Variants in SBNO2 observed in about 807,000 individuals in gnomAD.
The protein encoded by SBNO2 is protein strawberry notch homolog 2.
In SBNO2, 89 loss-of-function variants were observed where a neutral mutation model predicts 146.3. The observed-to-expected ratio is 0.61, with a 90% CI of 0.51 to 0.73. SBNO2 has a LOEUF of 0.73. Ranked by LOEUF, SBNO2 falls within the 30% of genes least tolerant of loss-of-function variation. The pLI is 0.00. For missense variants in SBNO2, 2,092 were observed against 2,003.7 expected (o/e 1.04, Z -0.84); for synonymous variants, 1,147 against 892.6 (o/e 1.29, Z -5.08).
At position 1,112,374 on chromosome 19, in the gene SBNO2, G is replaced by T; in HGVS notation, c.2515+28C>A. ...GAGACCATGTTGGGGGCGGGGCCAG[G>T]CAGCGCTGGGGGCGGGGCCGGACTC... On this transcript the variant is annotated intron_variant, in intron 21 of 31. Transcript: ENST00000361757. This position sits in a 1 kb window ranked among gnomAD's most constrained non-coding sequence, Gnocchi z 5.9. 1 of 1,582,108 alleles carries T rather than the reference G, an allele frequency of 6.3e-7. No homozygotes were observed.
At chr19:1,128,307 G>A (rs761266430) in intron 4 of SBNO2, 13 of 393,738 alleles carry the variant, frequency 3.3e-5, no homozygotes, top group African/African-American at 6.3e-5. Flanking sequence ...AGGCAGGGGC[G>A]GGGGCAGCCA....
At chr19:1,166,216 G>T (rs2080422889) in intron 1 of SBNO2, among the ~76,000 whole-genome samples, 1 of 3,122 alleles carries the variant, frequency 3.2e-4, no homozygotes. Flanking sequence ...CCAGATCCCA[G>T]ACCCGAGATT....
intron 4 of SBNO2, among the ~76,000 whole-genome samples, chr19:1,139,738 T>C (rs933225056): frequency 2.6e-5 from 4 of 151,408 alleles, no homozygotes; most frequent in African/African-American, 9.7e-5. Flanking sequence ...GAGGCTGCAG[T>C]GAGCTGAGAT....
intron 4 of SBNO2, among the ~76,000 whole-genome samples, chr19:1,143,064 C>T (rs1166617237): frequency 6.6e-6 from 1 of 152,214 alleles, no homozygotes; most frequent in Admixed American, 6.5e-5. Context: ...ACCAATCCCT[C>T]CAGGTTTATA....
intron 4 of SBNO2, chr19:1,132,220 T>C (rs1471044276): frequency 7.5e-6 from 10 of 1,336,764 alleles, no homozygotes; most frequent in South Asian, 7.3e-5. Context: ...AGCCCCAGCA[T>C]TGGGTCGGCC....
intron 1 of SBNO2, among the ~76,000 whole-genome samples, chr19:1,171,606 CTT>C (rs2080478441): frequency 6.6e-6 from 1 of 152,198 alleles, no homozygotes; most frequent in Non-Finnish European, 1.5e-5. Context: ...ACAGTCGCCT[CTT>C]TGTTCGGGGC....
chr19:1,110,629 C>A lies in SBNO2; in HGVS notation c.3028+116G>T, dbSNP rs534950552. On this transcript the variant is annotated intron_variant, in intron 26 of 31. Coordinates refer to ENST00000361757, the MANE Select transcript of SBNO2 (RefSeq NM_014963.3). The surrounding 1 kb of genome is among the most constrained non-coding windows in gnomAD (Gnocchi z 4.9). ...ATGCACGGTGTTCCCACGAGCCCCT[C>A]GCCCACCCGGGATGCCCGGTGTTCC... 356 of 1,301,562 alleles carry A rather than the reference C, an allele frequency of 2.7e-4. 2 individuals carry two copies. The African/African-American group carries it at 3.8e-3, about 14-fold the overall frequency. The allele number at this position is 1,301,562 out of a possible 1,614,324, so 80.6% of individuals were successfully genotyped here. A position where few individuals can be genotyped will look rare whatever the true frequency, so the allele number is the denominator to read the frequency against.
At chr19:1,131,678 C>T (rs973984349) in intron 4 of SBNO2, among the ~76,000 whole-genome samples, 5 of 152,218 alleles carry the variant, frequency 3.3e-5, no homozygotes, top group African/African-American at 1.2e-4. Context: ...CACCCAGAGC[C>T]CCTCCACCTG....
rs1473834052 is a variant in SBNO2, at chr19:1,140,691, C to A, written c.279+6618G>T. Among the ~76,000 whole-genome samples the A allele has an allele frequency of 6.6e-6, 1 of 152,202 alleles. No individual in the cohort carries two copies. The highest frequency in any genetic ancestry group is 1.5e-5 in the Non-Finnish European group (1 of 68,030). ...CCAGCCGTCAGCAGGAGAAGGCACA[C>A]GGAAAACAGACGGACGCAGCAGGGA... On this transcript the variant is annotated intron_variant, in intron 4 of 31. Coordinates refer to ENST00000361757, the MANE Select transcript of SBNO2 (RefSeq NM_014963.3). This position sits in a 1 kb window ranked among gnomAD's most constrained non-coding sequence, Gnocchi z 4.4.
At chr19:1,170,450 CGGACA>C (rs1232850650) in intron 1 of SBNO2, among the ~76,000 whole-genome samples, 3 of 152,140 alleles carry the variant, frequency 2.0e-5, no homozygotes, top group Non-Finnish European at 4.4e-5. Context: ...CACTGCCGGG[CGGACA>C]GCGGGCAGGC....
In SBNO2 at chr19:1,109,962, C is replaced by T. The variant is rs966995095; in HGVS notation, c.3029-185G>A. Among the ~76,000 whole-genome samples, 3 of 151,942 alleles carry T rather than the reference C, an allele frequency of 2.0e-5. No individual in the cohort carries two copies. The highest frequency in any genetic ancestry group is 7.3e-5 in the African/African-American group (3 of 41,348). ...TGCACGTGGGCCCCAACCTGGCAACCGCTCAGGTCCTAGGTAACCCCGAGC... is the reference window on the plus strand; with the variant it reads ...TGCACGTGGGCCCCAACCTGGCAACTGCTCAGGTCCTAGGTAACCCCGAGC... On this transcript the variant is annotated intron_variant, in intron 26 of 31. Coordinates refer to ENST00000361757, the MANE Select transcript of SBNO2 (RefSeq NM_014963.3). The surrounding 1 kb of genome is among the most constrained non-coding windows in gnomAD (Gnocchi z 4.2).
intron 4 of SBNO2, among the ~76,000 whole-genome samples, chr19:1,138,617 G>A (rs146644612): frequency 2.4e-4 from 36 of 152,170 alleles, no homozygotes; most frequent in African/African-American, 8.0e-4. Context: ...CAGCACAAGC[G>A]TCCATCACGG....
At chr19:1,164,912 C>G (rs1437967134) in intron 1 of SBNO2, among the ~76,000 whole-genome samples, 68 of 4,116 alleles carry the variant, frequency 0.017, no homozygotes, top group Non-Finnish European at 0.019. Context: ...GGAGGAGGCA[C>G]AGGAGGAGGA....
In SBNO2 at chr19:1,109,007, C is replaced by T; in HGVS notation, c.3426-38G>A. 1 of 1,490,786 alleles carries T rather than the reference C, an allele frequency of 6.7e-7. No homozygotes were observed. The highest frequency in any genetic ancestry group is 1.3e-5 in the South Asian group (1 of 76,920). 92.3% of individuals were successfully genotyped at this position (1,490,786 alleles called of 1,614,324 possible). The stretch of plus-strand genomic sequence containing the variant: ...CGGGTCGTCTCGGCTCAGGCGGGTC[C>T]CAGGGGCCCGCAGGCTCCCCAGGTG... On this transcript the variant is annotated intron_variant, in intron 30 of 31. Coordinates refer to ENST00000361757, the MANE Select transcript of SBNO2 (RefSeq NM_014963.3). This position sits in a 1 kb window ranked among gnomAD's most constrained non-coding sequence, Gnocchi z 4.2.
rs926462709 is a variant in SBNO2, at chr19:1,150,189, T to C, written c.94-747A>G. 6.6e-6 allele frequency among the ~76,000 whole-genome samples: 1 copy of C among 152,054 alleles called. No homozygotes were observed. Among genetic ancestry groups the C allele is most frequent in the African/African-American group, 2.4e-5 (1 of 41,378 alleles). On this transcript the variant is annotated intron_variant, in intron 2 of 31. Transcript: ENST00000361757. This position sits in a 1 kb window ranked among gnomAD's most constrained non-coding sequence, Gnocchi z 6.2. Reference sequence around the variant, plus strand: ...CCGATGTCCCCACCCCATGGTTCTCTGGGAAAACCTCACTATGCCTGCCCT... The same window carrying C: ...CCGATGTCCCCACCCCATGGTTCTCCGGGAAAACCTCACTATGCCTGCCCT...
chr19:1,170,633 G>C (rs1434172612), intron 1 of SBNO2, among the ~76,000 whole-genome samples: 1 of 151,964 alleles, frequency 6.6e-6, no homozygotes, highest in Non-Finnish European at 1.5e-5. Context: ...CATGCACACA[G>C]GGACAGGCCA....
In SBNO2 at chr19:1,109,010, G is replaced by C. The variant is rs1461723573; in HGVS notation, c.3426-41C>G. 6.7e-7 allele frequency: 1 copy of C among 1,487,286 alleles called. No homozygotes were observed. The highest frequency in any genetic ancestry group is 2.5e-5 in the East Asian group (1 of 40,396). 92.1% of individuals were successfully genotyped at this position (1,487,286 alleles called of 1,614,324 possible). On this transcript the variant is annotated intron_variant, in intron 30 of 31. Coordinates refer to ENST00000361757, the MANE Select transcript of SBNO2 (RefSeq NM_014963.3). This position sits in a 1 kb window ranked among gnomAD's most constrained non-coding sequence, Gnocchi z 4.2. ...GTCGTCTCGGCTCAGGCGGGTCCCA[G>C]GGGCCCGCAGGCTCCCCAGGTGCCC...
chr19:1,112,377 G>A lies in SBNO2; in HGVS notation c.2515+25C>T. On this transcript the variant is annotated intron_variant, in intron 21 of 31. Coordinates refer to ENST00000361757, the MANE Select transcript of SBNO2 (RefSeq NM_014963.3). The surrounding 1 kb of genome is among the most constrained non-coding windows in gnomAD (Gnocchi z 5.9). ...ACCATGTTGGGGGCGGGGCCAGGCA[G>A]CGCTGGGGGCGGGGCCGGACTCACC... 6.3e-7 allele frequency: 1 copy of A among 1,584,398 alleles called. No individual in the cohort carries two copies. Among genetic ancestry groups the A allele is most frequent in the Admixed American group, 1.7e-5 (1 of 57,388 alleles).
At chr19:1,172,829 G>C (rs1378351659) in intron 1 of SBNO2, among the ~76,000 whole-genome samples, 2 of 119,316 alleles carry the variant, frequency 1.7e-5, no homozygotes, top group Non-Finnish European at 3.2e-5. Context: ...GGCCAGCTCC[G>C]AGGCCGGGCA....
Sources: allele counts gnomAD v4.1 joint callset (sites outside exome capture counted in the v4.1 genomes callset), GRCh38; gene constraint gnomAD v4.1.1; non-coding constraint Gnocchi (gnomAD v3.1); transcripts MANE v1.5; gene names NCBI Gene and HGNC (gene_info 2026-07-23, HGNC 2026-07-21).